Variants in TUSC3 observed in about 807,000 individuals in gnomAD.
TUSC3 encodes tumor suppressor candidate 3.
Under a neutral mutation model 44.8 loss-of-function variants are expected in TUSC3, and 45 were observed. That is an observed-to-expected ratio of 1.00 (90% CI 0.79 to 1.29). The LOEUF (loss-of-function observed/expected upper bound fraction) is 1.29, where lower values mean the gene tolerates loss of function less well. Ranked by LOEUF, TUSC3 falls within the 50% of genes most tolerant of loss-of-function variation. The pLI is 0.00. For synonymous variants in TUSC3, 212 were observed against 152.9 expected, an observed-to-expected ratio of 1.39 and a Z score of -2.85; for missense variants, 519 against 437.9, an observed-to-expected ratio of 1.19 and a Z score of -1.65.
intron 1 of TUSC3, among the ~76,000 whole-genome samples, chr8:15,474,421 C>G (rs1348158167): frequency 6.6e-6 from 1 of 152,084 alleles, no homozygotes; most frequent in East Asian, 1.9e-4. Context: ...TATTTGGAAA[C>G]TGGTGAATGT....
At chr8:15,832,984 C>G in the TUSC3 span, among the ~76,000 whole-genome samples, 47 of 152,182 alleles carry the variant, frequency 3.1e-4, no homozygotes, top group African/African-American at 1.0e-3. Context: ...ATACATTGTT[C>G]TCATCATGAC....
intron 2 of TUSC3, among the ~76,000 whole-genome samples, chr8:15,518,487 T>C (rs973178033): frequency 2.6e-5 from 4 of 152,222 alleles, no homozygotes; most frequent in Admixed American, 6.5e-5. Flanking sequence ...TGGGATATTA[T>C]ATTTATTATA....
the TUSC3 span, among the ~76,000 whole-genome samples, chr8:15,792,992 G>C: frequency 6.6e-6 from 1 of 151,812 alleles, no homozygotes; most frequent in Admixed American, 6.6e-5. Context: ...TGTTTCTCTG[G>C]GGGAAAACAA....
At chr8:15,564,373 G>C (rs1248664418) in intron 1 of TUSC3, among the ~76,000 whole-genome samples, 1 of 152,082 alleles carries the variant, frequency 6.6e-6, no homozygotes, top group Non-Finnish European at 1.5e-5. Context: ...ACGTCATCCA[G>C]CTGTCAACAG....
the TUSC3 span, among the ~76,000 whole-genome samples, chr8:15,776,066 A>G: frequency 6.6e-6 from 1 of 152,098 alleles, no homozygotes. Context: ...CAAATACAGA[A>G]TAGTTTCTCT....
intron 8 of TUSC3, among the ~76,000 whole-genome samples, chr8:15,745,894 C>G (rs776297704): frequency 6.6e-6 from 1 of 151,972 alleles, no homozygotes; most frequent in Non-Finnish European, 1.5e-5. Context: ...AGGTTTTCTT[C>G]TAGGATTTTT....
chr8:15,474,250 G>C (rs1452391905), intron 1 of TUSC3, among the ~76,000 whole-genome samples: 1 of 152,048 alleles, frequency 6.6e-6, no homozygotes, highest in Non-Finnish European at 1.5e-5. Context: ...CTTTTTCAAG[G>C]TGAACTGATT....
At chr8:15,585,744 A>G (rs1803571739) in intron 1 of TUSC3, among the ~76,000 whole-genome samples, 1 of 152,062 alleles carries the variant, frequency 6.6e-6, no homozygotes, top group African/African-American at 2.4e-5. Flanking sequence ...TACCTGTTCG[A>G]CTGTCGGAAT....
At chr8:15,534,016 G>A (rs898490977) in intron 2 of TUSC3, among the ~76,000 whole-genome samples, 1 of 152,072 alleles carries the variant, frequency 6.6e-6, no homozygotes, top group Non-Finnish European at 1.5e-5. Flanking sequence ...TTTGATCAAG[G>A]GAAACTTTAG....
At chr8:15,796,854 A>C in the TUSC3 span, among the ~76,000 whole-genome samples, 1 of 152,164 alleles carries the variant, frequency 6.6e-6, no homozygotes, top group Non-Finnish European at 1.5e-5. Flanking sequence ...CATTGATTCC[A>C]AACAGACCCG....
chr8:15,500,184 C>T lies in TUSC3; in HGVS notation n.189+16701C>T, dbSNP rs532381651. Reference sequence around the variant, plus strand: ...GAGTCTTTCTCTACGGAGCTGTACACGTATCTGGTGGTGGCCTCTGGTGGT... The same window carrying T: ...GAGTCTTTCTCTACGGAGCTGTACATGTATCTGGTGGTGGCCTCTGGTGGT... On this transcript the variant is annotated intron_variant and non_coding_transcript_variant, in intron 2 of 5. Transcript: ENST00000503191. Among the ~76,000 whole-genome samples the T allele has an allele frequency of 2.3e-4, 35 of 152,244 alleles. No homozygotes were observed. In the South Asian group the frequency reaches 4.6e-3, roughly 20 times the overall value.
the TUSC3 span, among the ~76,000 whole-genome samples, chr8:15,845,170 T>A: frequency 6.6e-6 from 1 of 152,140 alleles, no homozygotes; most frequent in Admixed American, 6.6e-5. Context: ...TGATTTTAAG[T>A]CCCTCGGATA....
At chr8:15,838,398 G>C in the TUSC3 span, among the ~76,000 whole-genome samples, 1 of 152,032 alleles carries the variant, frequency 6.6e-6, no homozygotes, top group African/African-American at 2.4e-5. Context: ...ATAATGCCAG[G>C]ATAGCTCAGT....
chr8:15,698,905 G>C (rs1176260366), intron 6 of TUSC3, among the ~76,000 whole-genome samples: 1 of 151,096 alleles, frequency 6.6e-6, no homozygotes, highest in African/African-American at 2.4e-5. Flanking sequence ...GAGTTCAGTG[G>C]CGTGATCACA....
intron 2 of TUSC3, among the ~76,000 whole-genome samples, chr8:15,529,836 G>T (rs1338770393): frequency 7.8e-6 from 1 of 128,782 alleles, no homozygotes; most frequent in Non-Finnish European, 1.6e-5. Context: ...TGTTGCCCAG[G>T]CCGGACTGCG....
intron 1 of TUSC3, among the ~76,000 whole-genome samples, chr8:15,556,760 A>G (rs200088243): frequency 0.76 from 87,849 of 115,988 alleles, 33,774 homozygotes; most frequent in Non-Finnish European, 0.83. Flanking sequence ...GCCAGTGATG[A>G]TGAGCATTTT....
intron 7 of TUSC3, among the ~76,000 whole-genome samples, chr8:15,736,198 G>A (rs914397349): frequency 9.3e-4 from 141 of 152,282 alleles, no homozygotes; most frequent in African/African-American, 3.2e-3. Context: ...GTCTGATGGT[G>A]TGGCATTTAC....
chr8:15,650,922 G>C, intron 3 of TUSC3, 108 bp downstream of exon 3: 1 of 1,193,778 alleles, frequency 8.4e-7, no homozygotes, highest in Non-Finnish European at 1.2e-6. Flanking sequence ...CCTGGGAGGC[G>C]GAGGTTGCAG....
At chr8:15,677,702 C>T (rs963446860) in intron 6 of TUSC3, among the ~76,000 whole-genome samples, 3 of 152,172 alleles carry the variant, frequency 2.0e-5, no homozygotes, top group Admixed American at 6.5e-5. Context: ...AAGGTGGTGT[C>T]AGACAGAGCC....
Sources: allele counts gnomAD v4.1 joint callset (sites outside exome capture counted in the v4.1 genomes callset), GRCh38; gene constraint gnomAD v4.1.1; transcripts MANE v1.5; gene names NCBI Gene and HGNC (gene_info 2026-07-23, HGNC 2026-07-21).